TMEM67: variants seen among roughly 807,000 people sequenced by gnomAD.
TMEM67 encodes the protein transmembrane protein 67.
Under a neutral mutation model 136.6 loss-of-function variants are expected in TMEM67, and 124 were observed. The observed-to-expected ratio is 0.91, with a 90% CI of 0.78 to 1.05. The LOEUF (loss-of-function observed/expected upper bound fraction) is 1.05, where lower values mean the gene tolerates loss of function less well. Among genes scored for constraint, TMEM67 ranks in the 50% least tolerant of loss-of-function variants. TMEM67 has a pLI of 0.00. For synonymous variants in TMEM67, 364 were observed against 390.5 expected, an observed-to-expected ratio of 0.93 and a Z score of 0.80; for missense variants, 1,107 against 1,178.4, an observed-to-expected ratio of 0.94 and a Z score of 0.89.
rs965167888 is a variant in TMEM67 at position 93,816,576 on chromosome 8, T to C, written c.*124T>C. The C allele has an allele frequency of 1.5e-5, 8 of 545,954 alleles. No individual in the cohort carries two copies. Among genetic ancestry groups the C allele is most frequent in the Non-Finnish European group, 2.0e-5 (6 of 300,664 alleles). The allele number at this position is 545,954 out of a possible 1,614,324, so 33.8% of individuals were successfully genotyped here. A position where few individuals can be genotyped will look rare whatever the true frequency, so the allele number is the denominator to read the frequency against. On this transcript the variant is annotated 3_prime_UTR_variant, in exon 28 of 28. Transcript: ENST00000453321. ...GACTATTCTGTTTTTGTTTTTTATT[T>C]GCAGAAAGATTTATTTTTATAACTT...
At chr8:93,825,884 G>A in the TMEM67 span, among the ~76,000 whole-genome samples, 2 of 152,160 alleles carry the variant, frequency 1.3e-5, no homozygotes, top group African/African-American at 4.8e-5. Context: ...GACCATTTGG[G>A]TGTACACATA....
intron 11 of TMEM67, 112 bp downstream of exon 11, chr8:93,782,572 T>TTG: frequency 5.1e-6 from 1 of 197,214 alleles, no homozygotes; most frequent in South Asian, 1.1e-4. Flanking sequence ...TTATTCTTGG[T>TTG]TTTTTTTTTT....
chr8:93,815,581 C>A, intron 27 of TMEM67, 134 bp downstream of exon 27: 1 of 795,130 alleles, frequency 1.3e-6, no homozygotes. Context: ...ATATGACTAA[C>A]CCCACCAAAA....
intron 23 of TMEM67, among the ~76,000 whole-genome samples, chr8:93,808,514 A>AATAGATCTATTATAGATATTTATC (rs1808549642): frequency 1.5e-4 from 2 of 13,394 alleles, no homozygotes; most frequent in Non-Finnish European, 1.4e-4. Flanking sequence ...ATGAATATAT[A>AATAGATCTATTATAGATATTTATC]TATTTATAAT....
intron 25 of TMEM67, 95 bp downstream of exon 25, chr8:93,809,256 C>T: frequency 2.5e-6 from 2 of 793,458 alleles, no homozygotes; most frequent in Non-Finnish European, 2.2e-6. Flanking sequence ...TCAACCAAGT[C>T]AGTAAACTTA....
Position 93,755,776 on chromosome 8 carries a change from A to C in TMEM67, c.224-2A>C. 1 of 337,850 alleles carries C rather than the reference A, an allele frequency of 3.0e-6. No homozygotes were observed. Among genetic ancestry groups the C allele is most frequent in the Non-Finnish European group, 4.6e-6 (1 of 218,102 alleles). 20.9% of individuals were successfully genotyped at this position (337,850 alleles called of 1,614,324 possible). A position where few individuals can be genotyped will look rare whatever the true frequency, so the allele number is the denominator to read the frequency against. ...CTTTTTTTTTTTTTTTTTTTTTTTT[A>C]GGAACTTCATGTGTATGTCTACCAG... On this transcript the variant is annotated splice_acceptor_variant, in intron 1 of 27. Transcript: ENST00000453321. LOFTEE classifies it high-confidence loss of function.
At chr8:93,810,911 G>A (rs900327567) in intron 26 of TMEM67, among the ~76,000 whole-genome samples, 4 of 152,178 alleles carry the variant, frequency 2.6e-5, no homozygotes, top group African/African-American at 7.2e-5. Context: ...GACAGGAGTA[G>A]TGATTAAAAC....
In TMEM67 at chr8:93,804,868, A is replaced by C; in HGVS notation, c.2429A>C (p.Lys810Thr). ...ATGGAAGAAATGAATATGAACCTTAAAAGAGAAGCGGTATGAAAATGTTTT... is the reference window on the plus strand; with the variant it reads ...ATGGAAGAAATGAATATGAACCTTACAAGAGAAGCGGTATGAAAATGTTTT... ...TNMEEMNMNL[K>T]REAENLCSQR... is the part of the protein sequence containing the mutation. The change falls in exon 23 of 28, where the codon AAA (lysine) becomes ACA (threonine). Residue 810 changes from lysine (K) to threonine (T), a missense_variant. By Grantham distance (78) the Lys-to-Thr change is moderately conservative (BLOSUM62 -1). This residue lies in a region of TMEM67 where 925 missense variants were observed against 1,002.4 expected (regional missense o/e 0.92). Coordinates refer to ENST00000453321, the MANE Select transcript of TMEM67 (RefSeq NM_153704.6). The C allele has an allele frequency of 1.3e-6, 2 of 1,554,896 alleles. No individual in the cohort carries two copies. Among genetic ancestry groups the C allele is most frequent in the Non-Finnish European group, 8.9e-7 (1 of 1,126,234 alleles).
intron 3 of TMEM67, chr8:93,762,924 TTTTG>T (rs773994299): frequency 2.4e-4 from 105 of 443,514 alleles, no homozygotes; most frequent in Admixed American, 7.8e-4. Flanking sequence ...ACCTGATTCT[TTTTG>T]TTTGTTTGTT....
At chr8:93,768,403 G>C (rs1813177419) in intron 6 of TMEM67, among the ~76,000 whole-genome samples, 2 of 151,958 alleles carry the variant, frequency 1.3e-5, no homozygotes, top group South Asian at 4.2e-4. Flanking sequence ...CTTGAGGTCA[G>C]GAGTTTGAGA....
At chr8:93,763,353 G>A (rs991316419) in intron 3 of TMEM67, among the ~76,000 whole-genome samples, 1 of 152,158 alleles carries the variant, frequency 6.6e-6, no homozygotes. Flanking sequence ...TTATATACAT[G>A]TTCAAGTGTT....
At position 93,804,759 on chromosome 8, in the gene TMEM67, T is replaced by C; in HGVS notation, c.2323-3T>C. On this transcript the variant is annotated splice_region_variant and splice_polypyrimidine_tract_variant and intron_variant, in intron 22 of 27. Coordinates refer to ENST00000453321, the MANE Select transcript of TMEM67 (RefSeq NM_153704.6). The stretch of plus-strand genomic sequence containing the variant: ...TTTGCTTCTTTTTATTCTCTTTTTA[T>C]AGATATCAGTGTTTCTGTTATCCCA... 3 of 1,517,016 alleles carry C rather than the reference T, an allele frequency of 2.0e-6. No homozygotes were observed. Among genetic ancestry groups the C allele is most frequent in the Non-Finnish European group, 2.7e-6 (3 of 1,092,520 alleles). The allele number at this position is 1,517,016 out of a possible 1,614,324, so 94.0% of individuals were successfully genotyped here.
chr8:93,795,780 G>GC, intron 17 of TMEM67, 121 bp from the exon 18 acceptor site: 1 of 759,198 alleles, frequency 1.3e-6, no homozygotes, highest in East Asian at 2.6e-5. Flanking sequence ...ATCAAGTCCT[G>GC]CCCGGGCAGC....
intron 4 of TMEM67, among the ~76,000 whole-genome samples, chr8:93,764,679 T>G (rs1287615076): frequency 9.2e-5 from 14 of 152,230 alleles, no homozygotes; most frequent in Non-Finnish European, 1.3e-4. Context: ...GCAGCTTTTC[T>G]GAGGGCTACT....
intron 1 of TMEM67, 88 bp downstream of exon 1, chr8:93,755,225 G>A: frequency 7.9e-7 from 1 of 1,266,466 alleles, no homozygotes. Context: ...TCACCATGTT[G>A]ATCAGGCTAG....
At chr8:93,823,608 G>T (rs1366482325), downstream of TMEM67, among the ~76,000 whole-genome samples, 1 of 152,116 alleles carries the variant, frequency 6.6e-6, no homozygotes, top group Admixed American at 6.5e-5. Context: ...ATGGTAATGA[G>T]GCTGAAATTT....
chr8:93,830,959 G>A, the TMEM67 span, among the ~76,000 whole-genome samples: 4 of 152,248 alleles, frequency 2.6e-5, no homozygotes, highest in Non-Finnish European at 4.4e-5. Flanking sequence ...ATAGTACAGT[G>A]AGGGTCTGGA....
intron 15 of TMEM67, among the ~76,000 whole-genome samples, chr8:93,792,449 C>T (rs1332222823): frequency 6.6e-6 from 1 of 152,152 alleles, no homozygotes; most frequent in Non-Finnish European, 1.5e-5. Flanking sequence ...GCTGGGATTA[C>T]AGGCGTGAGC....
downstream of TMEM67, among the ~76,000 whole-genome samples, chr8:93,822,233 C>G (rs1321063977): frequency 6.6e-6 from 1 of 152,174 alleles, no homozygotes. Flanking sequence ...CAATAAACAC[C>G]TGTGAAAAGT....
Sources: gnomAD v4.1 joint callset for allele counts (sites outside exome capture counted in the v4.1 genomes callset) on GRCh38, gnomAD v4.1.1 for gene constraint, gnomAD v4.1.1 regional missense constraint, MANE v1.5 for transcripts, NCBI Gene and HGNC (gene_info 2026-07-23, HGNC 2026-07-21) for gene names.